Variants in ITFG1 observed in about 807,000 individuals in gnomAD.
ITFG1 encodes T-cell immunomodulatory protein.
In ITFG1, 34 loss-of-function variants were observed where a neutral mutation model predicts 81.8. That is an observed-to-expected ratio of 0.42 (90% CI 0.32 to 0.55). The LOEUF (loss-of-function observed/expected upper bound fraction) is 0.55. Among genes scored for constraint, ITFG1 ranks in the 20% least tolerant of loss-of-function variants. The pLI is 0.17. For missense variants in ITFG1, 672 were observed against 755.4 expected (o/e 0.89, Z 1.29); for synonymous variants, 285 against 270.6 (o/e 1.05, Z -0.52).
At chr16:47,435,472 T>C (rs1033577500) in intron 5 of ITFG1, among the ~76,000 whole-genome samples, 2 of 152,152 alleles carry the variant, frequency 1.3e-5, no homozygotes, top group Non-Finnish European at 1.5e-5. Flanking sequence ...AGAAACAAAA[T>C]TATATCAAAG....
At chr16:47,241,449 A>C (rs1234273081) in intron 12 of ITFG1, among the ~76,000 whole-genome samples, 1 of 152,256 alleles carries the variant, frequency 6.6e-6, no homozygotes, top group Admixed American at 6.5e-5. Context: ...TACATGCAAC[A>C]GAATATTATT....
chr16:47,234,035 C>A (rs1199518094), intron 13 of ITFG1, among the ~76,000 whole-genome samples: 1 of 152,208 alleles, frequency 6.6e-6, no homozygotes, highest in African/African-American at 2.4e-5. Flanking sequence ...AAAACTTCCA[C>A]AGTAAAGGTC....
chr16:47,199,669 C>A (rs538206531), intron 14 of ITFG1, among the ~76,000 whole-genome samples: 3 of 152,174 alleles, frequency 2.0e-5, no homozygotes, highest in South Asian at 4.1e-4. Context: ...TTCCATGGAC[C>A]CCATGGACCG....
intron 8 of ITFG1, among the ~76,000 whole-genome samples, chr16:47,329,213 T>C (rs1241466867): frequency 2.6e-5 from 4 of 152,032 alleles, no homozygotes; most frequent in African/African-American, 9.7e-5. Context: ...AAAATGCAAA[T>C]GATTAAAGCT....
chr16:47,209,800 C>G (rs949312647), intron 14 of ITFG1, among the ~76,000 whole-genome samples: 1 of 152,154 alleles, frequency 6.6e-6, no homozygotes, highest in Admixed American at 6.5e-5. Context: ...CAAATAGAAT[C>G]ATATAGTATA....
At chr16:47,430,313 G>A (rs770381690) in intron 5 of ITFG1, among the ~76,000 whole-genome samples, 6 of 151,648 alleles carry the variant, frequency 4.0e-5, no homozygotes, top group African/African-American at 7.3e-5. Context: ...CAGTTCACCC[G>A]CCTCGGCCTC....
At chr16:47,439,245 A>C (rs572619413) in intron 5 of ITFG1, among the ~76,000 whole-genome samples, 3 of 152,332 alleles carry the variant, frequency 2.0e-5, no homozygotes, top group African/African-American at 7.2e-5. Flanking sequence ...AATGGAACCA[A>C]GTTGGAAAAC....
chr16:47,257,285 G>A (rs1025287965), intron 12 of ITFG1, among the ~76,000 whole-genome samples: 3 of 152,088 alleles, frequency 2.0e-5, no homozygotes, highest in African/African-American at 7.2e-5. Context: ...AGTCAAGCAA[G>A]GTCACTGTAT....
At chr16:47,330,056 A>C (rs1967616035) in intron 8 of ITFG1, among the ~76,000 whole-genome samples, 1 of 152,056 alleles carries the variant, frequency 6.6e-6, no homozygotes, top group Non-Finnish European at 1.5e-5. Flanking sequence ...AGTGACCTTT[A>C]AAGAGGGCTG....
chr16:47,259,786 A>C (rs1966183942), intron 11 of ITFG1, among the ~76,000 whole-genome samples: 1 of 152,180 alleles, frequency 6.6e-6, no homozygotes, highest in Non-Finnish European at 1.5e-5. Context: ...GGAACCTTAA[A>C]GCCTTTCATA....
At chr16:47,309,478 T>C (rs527429110) in intron 10 of ITFG1, among the ~76,000 whole-genome samples, 1 of 152,320 alleles carries the variant, frequency 6.6e-6, no homozygotes, top group East Asian at 1.9e-4. Context: ...GTCTAGAACA[T>C]TAATTTTCAT....
intron 5 of ITFG1, among the ~76,000 whole-genome samples, chr16:47,433,815 G>T: frequency 1.2e-5 from 1 of 80,642 alleles, no homozygotes. Context: ...ATACACACAC[G>T]TATAGTTGTC....
At chr16:47,169,609 A>G (rs978646234) in intron 14 of ITFG1, among the ~76,000 whole-genome samples, 6 of 152,112 alleles carry the variant, frequency 3.9e-5, no homozygotes, top group African/African-American at 1.4e-4. Context: ...TATTTTCTGT[A>G]TACAGAATCA....
chr16:47,397,961 G>C (rs1159398182), intron 6 of ITFG1, among the ~76,000 whole-genome samples: 2 of 152,160 alleles, frequency 1.3e-5, no homozygotes, highest in Non-Finnish European at 2.9e-5. Context: ...TACACTTGGA[G>C]CCTTATCAAT....
rs1411631238 is a variant in ITFG1 at position 47,460,997 on chromosome 16, G to A, written c.49C>T (p.Leu17Phe). ...CCCAGTAGTGCAAGCCCTGCGAGGA[G>A]CGGCGAGAAGAGGGCCCAGGAGCTC... ...LPSSWALFSP[L>F]LAGLALLGVG... The change falls in exon 1 of 18, where the codon CTC becomes TTC. Residue 17 changes from leucine to phenylalanine, a missense_variant. Around this residue, in one of 3 missense-constraint regions of ITFG1, gnomAD observed 47 missense variants for 26.4 expected, o/e 1.78. Coordinates refer to ENST00000320640, the MANE Select transcript of ITFG1 (RefSeq NM_030790.5). 2.5e-6 allele frequency: 4 copies of A among 1,570,126 alleles called. No homozygotes were observed. Among genetic ancestry groups the A allele is most frequent in the South Asian group, 1.2e-5 (1 of 86,742 alleles).
At chr16:47,400,081 G>C (rs1421261361) in intron 6 of ITFG1, among the ~76,000 whole-genome samples, 2 of 152,188 alleles carry the variant, frequency 1.3e-5, no homozygotes, top group Non-Finnish European at 2.9e-5. Flanking sequence ...CTACAGATGA[G>C]GCTAAATTTG....
At chr16:47,269,769 T>C (rs1183511850) in intron 10 of ITFG1, among the ~76,000 whole-genome samples, 1 of 152,158 alleles carries the variant, frequency 6.6e-6, no homozygotes. Flanking sequence ...TTGTATTTCT[T>C]TTGCAGAAAC....
Position 47,240,825 on chromosome 16 carries a change from C to CT in ITFG1, c.1331-2818dup, listed in dbSNP as rs771291577. On this transcript the variant is annotated intron_variant, in intron 12 of 17. Transcript: ENST00000320640. ...TGTATAATTTCATTTAATGAGTTAT[C>CT]TAAAGTAGTCAAATTCACAGAGACA... Among the ~76,000 whole-genome samples the CT allele has an allele frequency of 3.3e-5, 5 of 152,052 alleles. No homozygotes were observed. The East Asian group carries it at 7.7e-4, about 23-fold the overall frequency.
chr16:47,369,736 T>C (rs1381480405), intron 7 of ITFG1, among the ~76,000 whole-genome samples: 1 of 152,142 alleles, frequency 6.6e-6, no homozygotes, highest in Non-Finnish European at 1.5e-5. Context: ...CACACAGTGA[T>C]GTTGTGATAC....
Sources: allele counts gnomAD v4.1 joint callset (sites outside exome capture counted in the v4.1 genomes callset), GRCh38; gene constraint gnomAD v4.1.1; regional missense constraint gnomAD v4.1.1; transcripts MANE v1.5; gene names NCBI Gene and HGNC (gene_info 2026-07-23, HGNC 2026-07-21).